Variants in STAB2 observed in about 807,000 individuals in gnomAD.
The protein encoded by STAB2 is stabilin-2.
STAB2 carries 288 observed loss-of-function variants against 338.1 expected under a neutral mutation model. That is an observed-to-expected ratio of 0.85 (90% confidence interval 0.77 to 0.94). The LOEUF (loss-of-function observed/expected upper bound fraction) is 0.94, where lower values mean the gene tolerates loss of function less well. Among genes scored for constraint, STAB2 ranks in the 40% least tolerant of loss-of-function variants. The pLI is 0.00. For synonymous variants in STAB2, 1,202 were observed against 1,193.3 expected (o/e 1.01, Z -0.15); for missense variants, 3,141 against 3,210.1 (o/e 0.98, Z 0.52).
intron 17 of STAB2, among the ~76,000 whole-genome samples, chr12:103,661,739 G>A (rs556838570): frequency 6.6e-6 from 1 of 152,114 alleles, no homozygotes; most frequent in South Asian, 2.1e-4. Context: ...GTGAATATCC[G>A]GGGGACATTC....
At chr12:103,662,374 A>G (rs1874697432) in intron 17 of STAB2, among the ~76,000 whole-genome samples, 1 of 152,098 alleles carries the variant, frequency 6.6e-6, no homozygotes, top group African/African-American at 2.4e-5. Flanking sequence ...GAGATCAGAA[A>G]TCTTTGCTAA....
At chr12:103,656,363 G>A (rs1874176123) in intron 15 of STAB2, among the ~76,000 whole-genome samples, 1 of 152,210 alleles carries the variant, frequency 6.6e-6, no homozygotes, top group African/African-American at 2.4e-5. Context: ...GAGAGAAGGA[G>A]GAAAGGATGT....
chr12:103,651,529 G>T (rs1350296593), intron 11 of STAB2, among the ~76,000 whole-genome samples: 1 of 152,014 alleles, frequency 6.6e-6, no homozygotes, highest in East Asian at 1.9e-4. Flanking sequence ...GACCAGGATG[G>T]TCTCCATCTC....
At chr12:103,670,048 C>T (rs1875601976) in intron 21 of STAB2, among the ~76,000 whole-genome samples, 1 of 152,210 alleles carries the variant, frequency 6.6e-6, no homozygotes, top group Non-Finnish European at 1.5e-5. Context: ...ACAGCCGAAA[C>T]TTAACTCATC....
chr12:103,667,285 G>A (rs928892360), intron 19 of STAB2, among the ~76,000 whole-genome samples: 41 of 152,228 alleles, frequency 2.7e-4, no homozygotes, highest in African/African-American at 8.9e-4. Context: ...CAGGGAATGT[G>A]AGAGGGAGGA....
chr12:103,698,828 C>A (rs1416580832), intron 33 of STAB2, among the ~76,000 whole-genome samples: 1 of 152,154 alleles, frequency 6.6e-6, no homozygotes, highest in East Asian at 1.9e-4. Context: ...TTAAAATCTA[C>A]CCCCAGCTCT....
rs181803258 is a variant in STAB2, at chr12:103,713,623, C to T, written c.4412-20C>T. The T allele has an allele frequency of 2.5e-6, 4 of 1,613,164 alleles. No homozygotes were observed. In the African/African-American group the frequency reaches 4.0e-5, roughly 16 times the overall value. The stretch of plus-strand genomic sequence containing the variant: ...TTTTGCCCTTCCCTCTCCCCTTCTG[C>T]TCTGTGTCATCTTCTATAGCAATCA... On this transcript the variant is annotated intron_variant, in intron 41 of 68. Coordinates refer to ENST00000388887, the MANE Select transcript of STAB2 (RefSeq NM_017564.10).
rs1483145251 is a variant in STAB2 at position 103,739,395 on chromosome 12, C to T, written c.5698-17C>T. 6.4e-7 allele frequency: 1 copy of T among 1,565,044 alleles called. No individual in the cohort carries two copies. The highest frequency in any genetic ancestry group is 1.9e-5 in the Admixed American group (1 of 51,282). On this transcript the variant is annotated splice_polypyrimidine_tract_variant and intron_variant, in intron 53 of 68. Transcript: ENST00000388887. ...TGATATTCTTGGTTTTCAAGTGTTT[C>T]TTTTCTTGCATACTAGGGGGAGTGT...
intron 43 of STAB2, among the ~76,000 whole-genome samples, chr12:103,716,368 G>C (rs1041259567): frequency 6.6e-6 from 1 of 152,182 alleles, no homozygotes; most frequent in Non-Finnish European, 1.5e-5. Context: ...GAGAGCAACC[G>C]CATCAGAGAA....
Position 103,695,536 on chromosome 12 carries a change from G to A in STAB2, c.3376-14G>A, listed in dbSNP as rs780816180. ...CAAAACATGCTAACAGGATTCTGGG[G>A]TTTCTTTTTTCAGGTGCTGGTCCCA... On this transcript the variant is annotated splice_polypyrimidine_tract_variant and intron_variant, in intron 31 of 68. Coordinates refer to ENST00000388887, the MANE Select transcript of STAB2 (RefSeq NM_017564.10). 2.5e-6 allele frequency: 4 copies of A among 1,613,952 alleles called. No individual in the cohort carries two copies. The highest frequency in any genetic ancestry group is 3.4e-6 in the Non-Finnish European group (4 of 1,179,910).
At chr12:103,732,966 C>T in intron 50 of STAB2, 40 bp from the exon 51 acceptor site, 1 of 1,602,030 alleles carries the variant, frequency 6.2e-7, no homozygotes, top group Non-Finnish European at 8.5e-7. Context: ...ATGTCTGGGC[C>T]TTGCTCAAGC....
At chr12:103,694,121 C>T (rs537375571) in intron 31 of STAB2, among the ~76,000 whole-genome samples, 30 of 152,286 alleles carry the variant, frequency 2.0e-4, no homozygotes, top group African/African-American at 7.0e-4. Context: ...GTCAGGGCCA[C>T]CATTGTGCCC....
chr12:103,648,785 A>G lies in STAB2; in HGVS notation c.1136A>G (p.Lys379Arg). The change falls in exon 10 of 69, where the codon AAA becomes AGA. Residue 379 changes from lysine (K) to arginine (R), a missense_variant. Transcript: ENST00000388887. ...LRELNTEPRG[K>R]WQGRLTSFIS... The stretch of plus-strand genomic sequence containing the variant: ...GAATTAAATACTGAACCCAGAGGAA[A>G]ATGGCAAGGAAGGCTGACCTCTTTC... 1.9e-6 allele frequency: 3 copies of G among 1,614,126 alleles called. No individual in the cohort carries two copies. Among genetic ancestry groups the G allele is most frequent in the Non-Finnish European group, 2.5e-6 (3 of 1,180,004 alleles).
At chr12:103,710,998 T>A (rs1879801807) in intron 39 of STAB2, among the ~76,000 whole-genome samples, 1 of 152,302 alleles carries the variant, frequency 6.6e-6, no homozygotes, top group South Asian at 2.1e-4. Flanking sequence ...CCTGATTTTC[T>A]GCACATGCAA....
chr12:103,716,006 A>G, intron 43 of STAB2, 118 bp downstream of exon 43: 2 of 1,106,166 alleles, frequency 1.8e-6, no homozygotes, highest in South Asian at 3.0e-5. Flanking sequence ...AGCTGAAAAT[A>G]AATACTTTAG....
At position 103,688,858 on chromosome 12, in the gene STAB2, G is replaced by T. The variant is rs180940160; in HGVS notation, c.3045+643G>T. ...CAGGCATGAGCTGGCCCAGTGGTGT[G>T]CTGAACCCTGTTCACACTCACTCAC... On this transcript the variant is annotated intron_variant, in intron 28 of 68. Coordinates refer to ENST00000388887, the MANE Select transcript of STAB2 (RefSeq NM_017564.10). Among the ~76,000 whole-genome samples, 47 of 152,296 alleles carry T rather than the reference G, an allele frequency of 3.1e-4. No homozygotes were observed. The East Asian group carries it at 7.7e-3, about 25-fold the overall frequency.
intron 25 of STAB2, among the ~76,000 whole-genome samples, 178 bp from the exon 26 acceptor site, chr12:103,683,027 A>G (rs1377347399): frequency 6.6e-6 from 1 of 152,208 alleles, no homozygotes; most frequent in Non-Finnish European, 1.5e-5. Context: ...GTAATGTAGA[A>G]TATGGAGACT....
At chr12:103,596,314 G>T (rs141252119) in intron 3 of STAB2, among the ~76,000 whole-genome samples, 441 of 152,292 alleles carry the variant, frequency 2.9e-3, no homozygotes, top group African/African-American at 9.2e-3. Flanking sequence ...GAACGGCTTT[G>T]TCAAAGATGC....
At chr12:103,726,469 T>C (rs1416313622) in intron 46 of STAB2, among the ~76,000 whole-genome samples, 1 of 152,140 alleles carries the variant, frequency 6.6e-6, no homozygotes, top group African/African-American at 2.4e-5. Context: ...CCAGCCTAGG[T>C]GACAGAGTGA....
Sources: gnomAD v4.1 joint callset for allele counts (sites outside exome capture counted in the v4.1 genomes callset) on GRCh38, gnomAD v4.1.1 for gene constraint, MANE v1.5 for transcripts, NCBI Gene and HGNC (gene_info 2026-07-23, HGNC 2026-07-21) for gene names.